The following CTSS variants were observed in gnomAD, a reference collection of about 807,000 sequenced individuals.
CTSS encodes cathepsin S.
A neutral mutation model predicts 39.9 loss-of-function variants in CTSS; 15 were observed. The ratio of observed to expected loss-of-function variants is 0.38; its 90% confidence interval spans 0.25 to 0.58. CTSS has a LOEUF of 0.58. Ranked by LOEUF, CTSS falls within the 20% of genes least tolerant of loss-of-function variation. The probability of loss-of-function intolerance (pLI) is 0.70; values close to 1 mark genes in which losing one functional copy is unlikely to be tolerated. For missense variants in CTSS, 250 were observed against 398.2 expected (o/e 0.63, Z 3.17); for synonymous variants, 126 against 138.2 (o/e 0.91, Z 0.62).
chr1:150,735,445 C>A (rs587649158), intron 7 of CTSS, among the ~76,000 whole-genome samples: 1 of 152,298 alleles, frequency 6.6e-6, no homozygotes, highest in South Asian at 2.1e-4. Context: ...CCTTCTCAAA[C>A]ATTTTCATGA....
chr1:150,755,171 C>G (rs749071458), intron 3 of CTSS, 21 bp from the exon 4 acceptor site: 1 of 1,611,950 alleles, frequency 6.2e-7, no homozygotes, highest in East Asian at 2.2e-5. Context: ...AATATACAGT[C>G]AGGCATTGTT....
In CTSS at chr1:150,739,662, T is replaced by TCAA. The variant is rs10556231; in HGVS notation, c.897-6520_897-6518dup. ...CCTGGGTGACAAAGTGAGACCTGTC[T>TCAA]CAACAACAACAACAACAACAACAAC... On this transcript the variant is annotated intron_variant, in intron 7 of 7. Coordinates refer to ENST00000368985, the MANE Select transcript of CTSS (RefSeq NM_004079.5). 9.9e-3 allele frequency among the ~76,000 whole-genome samples: 1,482 copies of TCAA among 149,490 alleles called. 28 individuals carry two copies. The highest frequency in any genetic ancestry group is 0.034 in the African/African-American group (1,397 of 40,590).
In CTSS at chr1:150,758,839, C is replaced by T. The variant is rs116319249; in HGVS notation, c.127-859G>A. Reference sequence around the variant, plus strand: ...TCCTGCGATTATTGGTGTAAGCCACCGCGCCCAGCATTTTTTTTTTTTTTT... The same window carrying T: ...TCCTGCGATTATTGGTGTAAGCCACTGCGCCCAGCATTTTTTTTTTTTTTT... On this transcript the variant is annotated intron_variant, in intron 2 of 7. Coordinates refer to ENST00000368985, the MANE Select transcript of CTSS (RefSeq NM_004079.5). Among the ~76,000 whole-genome samples, 249 of 150,306 alleles carry T rather than the reference C, an allele frequency of 1.7e-3. 3 individuals carry two copies. The highest frequency in any genetic ancestry group is 5.5e-3 in the African/African-American group (227 of 41,058).
intron 7 of CTSS, among the ~76,000 whole-genome samples, chr1:150,743,716 T>G (rs1400914840): frequency 3.7e-5 from 2 of 54,258 alleles, no homozygotes; most frequent in African/African-American, 1.3e-4. Context: ...TATTATATAT[T>G]ATATGTATAT....
rs1652513065 is a variant in CTSS, at chr1:150,731,150, G to A, written c.*1896C>T. On this transcript the variant is annotated 3_prime_UTR_variant, in exon 8 of 8. Coordinates refer to ENST00000368985, the MANE Select transcript of CTSS (RefSeq NM_004079.5). The stretch of plus-strand genomic sequence containing the variant: ...CGCCTGTAATCTTAGCACTTTGGGA[G>A]GCTGGGGTGGGTGGATCACCTGAGG... 6.6e-6 allele frequency: 1 copy of A among 152,208 alleles called. No homozygotes were observed. The highest frequency in any genetic ancestry group is 1.5e-5 in the Non-Finnish European group (1 of 68,038). The allele number at this position is 152,208 out of a possible 1,614,324, so 9.4% of individuals were successfully genotyped here. A position where few individuals can be genotyped will look rare whatever the true frequency, so the allele number is the denominator to read the frequency against.
At chr1:150,764,951 C>T (rs1012737632) in intron 1 of CTSS, among the ~76,000 whole-genome samples, 187 bp from the exon 2 acceptor site, 3 of 152,148 alleles carry the variant, frequency 2.0e-5, no homozygotes, top group African/African-American at 7.2e-5. Flanking sequence ...GTCAGAAATA[C>T]TACTTCCAAT....
rs1652523501 is a variant in CTSS, at chr1:150,731,620, G to A, written c.*1426C>T. ...CACACATTGTTCATGTCATAGACAT[G>A]AACTTAAAAAATTTAAAGTTCCTGC... On this transcript the variant is annotated 3_prime_UTR_variant, in exon 8 of 8. Coordinates refer to ENST00000368985, the MANE Select transcript of CTSS (RefSeq NM_004079.5). The A allele has an allele frequency of 6.6e-6, 1 of 152,148 alleles. No individual in the cohort carries two copies. The highest frequency in any genetic ancestry group is 1.5e-5 in the Non-Finnish European group (1 of 68,038). 9.4% of individuals were successfully genotyped at this position (152,148 alleles called of 1,614,324 possible).
chr1:150,756,708 C>CTTTTTTTTTTTTTTTTTTTTT (rs72242218), intron 3 of CTSS, among the ~76,000 whole-genome samples: 10 of 131,180 alleles, frequency 7.6e-5, no homozygotes, highest in Admixed American at 1.6e-4. Flanking sequence ...TTCTTTCTTT[C>CTTTTTTTTTTTTTTTTTTTTT]TTTTTTTTTT....
At chr1:150,748,151 A>G (rs894598368) in intron 6 of CTSS, 11 of 232,718 alleles carry the variant, frequency 4.7e-5, no homozygotes, top group Non-Finnish European at 8.4e-5. Context: ...TTAGCTGGGC[A>G]TGGTGGCACG....
In CTSS at chr1:150,741,650, G is replaced by C. The variant is rs587669036; in HGVS notation, c.896+6127C>G. Reference sequence around the variant, plus strand: ...GCACTTTGGGAGGCCAAGACAGGCAGATCACCCAAGATCAGGAGTTGGTAG... The same window carrying C: ...GCACTTTGGGAGGCCAAGACAGGCACATCACCCAAGATCAGGAGTTGGTAG... On this transcript the variant is annotated intron_variant, in intron 7 of 7. Transcript: ENST00000368985. Among the ~76,000 whole-genome samples the C allele has an allele frequency of 5.3e-5, 8 of 152,330 alleles. No individual in the cohort carries two copies. The East Asian group carries it at 7.7e-4, about 15-fold the overall frequency.
chr1:150,758,293 G>A (rs1427825342), intron 2 of CTSS, among the ~76,000 whole-genome samples: 2 of 151,994 alleles, frequency 1.3e-5, no homozygotes, highest in Non-Finnish European at 2.9e-5. Context: ...CAGGGGATCT[G>A]CCTGCCTCAG....
At position 150,750,161 on chromosome 1, in the gene CTSS, C is replaced by T; in HGVS notation, c.638G>A (p.Cys213Tyr). 2.5e-6 allele frequency: 4 copies of T among 1,608,324 alleles called. No individual in the cohort carries two copies. Among genetic ancestry groups the T allele is most frequent in the Non-Finnish European group, 3.4e-6 (4 of 1,175,498 alleles). The change falls in exon 6 of 8, where the codon TGT becomes TAT. Residue 213 changes from cysteine to tyrosine, a missense_variant. Cys to Tyr is a radical substitution (Grantham distance 194, BLOSUM62 -2). Transcript: ENST00000368985. ...SYPYKAMDQK[C>Y]QYDSKYRAAT... ...AGCACGATATTTTGAGTCATATTGA[C>T]ATTTCTGATCCTGCAAAAAGAAGTA...
intron 6 of CTSS, among the ~76,000 whole-genome samples, chr1:150,749,551 C>T (rs1652961899): frequency 6.7e-6 from 1 of 149,390 alleles, no homozygotes; most frequent in African/African-American, 2.5e-5. Flanking sequence ...AAAATTGCCT[C>T]GCCTCACCCC....
intron 7 of CTSS, among the ~76,000 whole-genome samples, chr1:150,741,174 T>A (rs994153973): frequency 6.6e-6 from 1 of 151,936 alleles, no homozygotes; most frequent in Non-Finnish European, 1.5e-5. Context: ...GCTAATTTTT[T>A]AAATTTGTTT....
chr1:150,750,214 C>A, intron 5 of CTSS, 43 bp from the exon 6 acceptor site: 5 of 1,448,112 alleles, frequency 3.5e-6, no homozygotes, highest in Non-Finnish European at 4.8e-6. Flanking sequence ...ACTTCAACTC[C>A]TGTATAAATC....
intron 5 of CTSS, among the ~76,000 whole-genome samples, chr1:150,750,943 A>T (rs1652994743): frequency 6.6e-6 from 1 of 152,164 alleles, no homozygotes; most frequent in Non-Finnish European, 1.5e-5. Flanking sequence ...CACTTGGCCA[A>T]CTATGTTTTT....
intron 7 of CTSS, among the ~76,000 whole-genome samples, chr1:150,742,239 G>C (rs1456848962): frequency 2.6e-5 from 4 of 151,838 alleles, no homozygotes; most frequent in Non-Finnish European, 5.9e-5. Context: ...CCTGGTGACA[G>C]AGTGAGACTC....
chr1:150,759,315 C>T (rs1025958292), intron 2 of CTSS, among the ~76,000 whole-genome samples: 6 of 152,098 alleles, frequency 3.9e-5, no homozygotes, highest in Non-Finnish European at 7.4e-5. Context: ...AGTGTCTCCA[C>T]ATATATTGCT....
At chr1:150,751,523 T>C (rs7531695) in intron 5 of CTSS, among the ~76,000 whole-genome samples, 152,154 of 152,322 alleles carry the variant, frequency 1, 75,993 homozygotes, top group Non-Finnish European at 1. Context: ...GCTGAGATTA[T>C]AGGTATGAGC....
Sources: allele counts gnomAD v4.1 joint callset (sites outside exome capture counted in the v4.1 genomes callset), GRCh38; gene constraint gnomAD v4.1.1; transcripts MANE v1.5; gene names NCBI Gene and HGNC (gene_info 2026-07-23, HGNC 2026-07-21).